FAM120B: variants seen among roughly 807,000 people sequenced by gnomAD.
FAM120B encodes constitutive coactivator of peroxisome proliferator-activated receptor gamma.
In FAM120B, 83 loss-of-function variants were observed where a neutral mutation model predicts 96.3. That is an observed-to-expected ratio of 0.86 (90% CI 0.72 to 1.03). FAM120B has a LOEUF of 1.03. Among genes scored for constraint, FAM120B ranks in the 50% least tolerant of loss-of-function variants. The pLI is 0.00. For missense variants in FAM120B, 1,027 were observed against 1,121.2 expected (o/e 0.92, Z 1.20); for synonymous variants, 407 against 402.7 (o/e 1.01, Z -0.13).
At position 170,391,092 on chromosome 6, in the gene FAM120B, G is replaced by T; in HGVS notation, c.2570G>T (p.Gly857Val). ...ACMKENRRITGRAHWGSHHAG... is the reference protein window; with the variant it reads ...ACMKENRRITVRAHWGSHHAG... ...ATGAAGGAGAACAGACGCATCACTG[G>T]CCGAGCCCACTGGGGCTCACACCAC... The change falls in exon 8 of 11, where the codon GGC becomes GTC. Residue 857 changes from glycine to valine, a missense_variant. By Grantham distance (109) the Gly-to-Val change is moderately radical. Around this residue, in one of 3 missense-constraint regions of FAM120B, gnomAD observed 142 missense variants for 122.5 expected, o/e 1.16. Transcript: ENST00000476287. 1 of 1,614,132 alleles carries T rather than the reference G, an allele frequency of 6.2e-7. No individual in the cohort carries two copies. Among genetic ancestry groups the T allele is most frequent in the East Asian group, 2.2e-5 (1 of 44,880 alleles).
intron 5 of FAM120B, among the ~76,000 whole-genome samples, chr6:170,357,770 G>A (rs983488109): frequency 1.3e-5 from 2 of 152,212 alleles, no homozygotes; most frequent in African/African-American, 2.4e-5. Flanking sequence ...CCTTGTTAGA[G>A]TCTAACCTGA....
rs1454252382 is a variant in FAM120B at position 170,323,144 on chromosome 6, G to T, written c.1800G>T (p.Glu600Asp). The change falls in exon 3 of 11, where the codon GAG becomes GAT. Residue 600 changes from glutamate to aspartate, a missense_variant. Glu to Asp is a conservative substitution (Grantham distance 45, BLOSUM62 2). Transcript: ENST00000476287. ...YLVYNIMSSG[E>D]IECSNTLEDE... ...TGTACAACATCATGAGCAGTGGAGA[G>T]ATTGAATGCAGCAACACCCTAGAAG... 1 of 1,614,150 alleles carries T rather than the reference G, an allele frequency of 6.2e-7. No individual in the cohort carries two copies. Among genetic ancestry groups the T allele is most frequent in the Non-Finnish European group, 8.5e-7 (1 of 1,180,008 alleles).
rs373041012 is a variant in FAM120B, at chr6:170,357,975, C to T, written c.2191-251C>T. 7.2e-5 allele frequency among the ~76,000 whole-genome samples: 11 copies of T among 151,992 alleles called. No homozygotes were observed. In the South Asian group the frequency reaches 1.2e-3, roughly 17 times the overall value. On this transcript the variant is annotated intron_variant, in intron 5 of 10. Transcript: ENST00000476287. ...GCATGTGCCTGTTTGTGCACCTGTG[C>T]GTGTGCCTGTGTGTACACCTGTGTG... is the stretch of plus-strand genomic sequence containing the variant.
rs1166512967 is a variant in FAM120B at position 170,318,309 on chromosome 6, C to G, written c.919C>G (p.Pro307Ala). 1 of 1,614,152 alleles carries G rather than the reference C, an allele frequency of 6.2e-7. No individual in the cohort carries two copies. The highest frequency in any genetic ancestry group is 2.2e-5 in the East Asian group (1 of 44,892). ...FYKGMASYLLPGQKSPWFFQK... is the reference protein window; with the variant it reads ...FYKGMASYLLAGQKSPWFFQK... ...TAAAGGAATGGCATCATATCTTTTA[C>G]CAGGACAAAAATCTCCATGGTTTTT... Residue 307 changes from proline (P) to alanine (A), a missense_variant, in exon 2 of 11, where the codon CCA becomes GCA. Physicochemically the swap from Pro to Ala is conservative, Grantham distance 27. Coordinates refer to ENST00000476287, the MANE Select transcript of FAM120B (RefSeq NM_032448.3).
In FAM120B at chr6:170,330,474, C is replaced by G; in HGVS notation, c.1941C>G (p.Val647=). The change falls in exon 4 of 11, where the codon GTC becomes GTG. Residue 647 remains valine (V), a synonymous_variant. Coordinates refer to ENST00000476287, the MANE Select transcript of FAM120B (RefSeq NM_032448.3). The part of the protein sequence containing the change: ...CQDVTSTCLA[V]KEWFVYPGNP... ...ATGTCACCAGCACCTGCCTAGCTGT[C>G]AAGGAGTGGTTTGTGTATCCTGGGA... is the stretch of plus-strand genomic sequence containing the variant. 1 of 1,614,124 alleles carries G rather than the reference C, an allele frequency of 6.2e-7. No homozygotes were observed. Among genetic ancestry groups the G allele is most frequent in the Non-Finnish European group, 8.5e-7 (1 of 1,180,012 alleles).
At chr6:170,316,789 C>A (rs946031868) in intron 1 of FAM120B, among the ~76,000 whole-genome samples, 1 of 152,192 alleles carries the variant, frequency 6.6e-6, no homozygotes, top group Non-Finnish European at 1.5e-5. Flanking sequence ...TATCTGTCAC[C>A]CCCAAAAGTT....
chr6:170,397,216 C>CCTCA (rs1778222787), intron 9 of FAM120B, among the ~76,000 whole-genome samples: 1 of 152,196 alleles, frequency 6.6e-6, no homozygotes, highest in Admixed American at 6.5e-5. Context: ...CTCACATGAG[C>CCTCA]CATGGTGAGG....
chr6:170,397,869 G>A lies in FAM120B; in HGVS notation c.2692+2290G>A, dbSNP rs532465593. 7.9e-5 allele frequency among the ~76,000 whole-genome samples: 12 copies of A among 152,310 alleles called. 1 individual carries two copies. The East Asian group carries it at 2.1e-3, about 27-fold the overall frequency. On this transcript the variant is annotated intron_variant, in intron 9 of 10. Transcript: ENST00000476287. ...GACCCAGTAAGGCAGGCTGGCAGGG[G>A]AGGGAAGAGCCACAGCCTCTCTTTC... is the stretch of plus-strand genomic sequence containing the variant.
upstream of FAM120B, among the ~76,000 whole-genome samples, chr6:170,294,809 G>A (rs1783959720): frequency 1.3e-5 from 2 of 152,158 alleles, no homozygotes; most frequent in South Asian, 2.1e-4. This position sits in a 1 kb window ranked among gnomAD's most constrained non-coding sequence, Gnocchi z 7.9. Context: ...AAACAAGTCT[G>A]GAGACTTGAG....
rs887537269 is a variant in FAM120B, at chr6:170,406,468, T to C, written c.*1717T>C. The C allele has an allele frequency of 6.6e-6, 1 of 152,228 alleles. No individual in the cohort carries two copies. The highest frequency in any genetic ancestry group is 1.5e-5 in the Non-Finnish European group (1 of 68,040). 9.4% of individuals were successfully genotyped at this position (152,228 alleles called of 1,614,324 possible). On this transcript the variant is annotated 3_prime_UTR_variant, in exon 11 of 11. Transcript: ENST00000476287. Reference sequence around the variant, plus strand: ...GCCAAAGGCACAGAGCTCCAAGGCATCATCTTTCCTTAAAATCCTGAGTGT... The same window carrying C: ...GCCAAAGGCACAGAGCTCCAAGGCACCATCTTTCCTTAAAATCCTGAGTGT...
chr6:170,372,581 G>A (rs1003162267), intron 6 of FAM120B, among the ~76,000 whole-genome samples: 1 of 152,170 alleles, frequency 6.6e-6, no homozygotes, highest in Non-Finnish European at 1.5e-5. Context: ...TACTGTGTGG[G>A]CTTTTAGACA....
chr6:170,341,587 G>A (rs943761233), intron 4 of FAM120B, among the ~76,000 whole-genome samples: 2 of 152,152 alleles, frequency 1.3e-5, no homozygotes, highest in Non-Finnish European at 2.9e-5. Flanking sequence ...CCAAACAGCT[G>A]CCCAGTTTTG....
chr6:170,397,796 C>A (rs949470356), intron 9 of FAM120B, among the ~76,000 whole-genome samples: 3 of 152,208 alleles, frequency 2.0e-5, no homozygotes, highest in African/African-American at 7.2e-5. Context: ...ACCTTGATGA[C>A]ATGAAAGCTG....
chr6:170,361,241 T>C (rs1788425796), intron 6 of FAM120B, among the ~76,000 whole-genome samples: 1 of 103,572 alleles, frequency 9.7e-6, no homozygotes, highest in African/African-American at 4.0e-5. Flanking sequence ...TATATACACG[T>C]ATATATATAT....
chr6:170,294,844 A>G (rs1048401964), upstream of FAM120B, among the ~76,000 whole-genome samples: 2 of 152,226 alleles, frequency 1.3e-5, no homozygotes, highest in Admixed American at 1.3e-4. The surrounding 1 kb of genome is among the most constrained non-coding windows in gnomAD (Gnocchi z 7.9). Flanking sequence ...TCTCAGACCA[A>G]CTGAATACTG....
At chr6:170,329,040 C>T (rs1403388940) in intron 3 of FAM120B, among the ~76,000 whole-genome samples, 2 of 152,232 alleles carry the variant, frequency 1.3e-5, no homozygotes, top group African/African-American at 4.8e-5. Context: ...GTGGTGGAAG[C>T]TCCACTGTCT....
chr6:170,398,865 A>G (rs28727957), intron 9 of FAM120B, among the ~76,000 whole-genome samples: 37 of 141,882 alleles, frequency 2.6e-4, no homozygotes, highest in African/African-American at 8.5e-4. Flanking sequence ...AGTGAGTGGG[A>G]AAGGTAGAAC....
At chr6:170,393,414 A>G (rs9295399) in intron 8 of FAM120B, among the ~76,000 whole-genome samples, 136,000 of 151,938 alleles carry the variant, frequency 0.9, 61,093 homozygotes, top group African/African-American at 0.97. Flanking sequence ...AGTGGTACTT[A>G]CAATTTTTAT....
chr6:170,312,222 T>C (rs1186716216), intron 1 of FAM120B, among the ~76,000 whole-genome samples: 1 of 152,248 alleles, frequency 6.6e-6, no homozygotes, highest in Admixed American at 6.5e-5. Context: ...GTGTTTTCTC[T>C]GAATTTTCTG....
Sources: allele counts gnomAD v4.1 joint callset (sites outside exome capture counted in the v4.1 genomes callset), GRCh38; gene constraint gnomAD v4.1.1; regional missense constraint gnomAD v4.1.1; non-coding constraint Gnocchi (gnomAD v3.1); transcripts MANE v1.5; gene names NCBI Gene and HGNC (gene_info 2026-07-23, HGNC 2026-07-21).